Variants in NF1 observed in about 807,000 individuals in gnomAD.
NF1 encodes neurofibromin.
NF1 carries 122 observed loss-of-function variants against 325.7 expected under a neutral mutation model. That is an observed-to-expected ratio of 0.37 (90% CI 0.32 to 0.44). NF1 has a LOEUF of 0.44. Among genes scored for constraint, NF1 ranks in the 20% least tolerant of loss-of-function variants. NF1 has a pLI of 1.00. For missense variants in NF1, 2,140 were observed against 3,415.4 expected (o/e 0.63, Z 9.31); for synonymous variants, 1,091 against 1,186.0 (o/e 0.92, Z 1.65).
chr17:31,216,760 T>C (rs970800823), intron 13 of NF1, among the ~76,000 whole-genome samples: 1 of 152,186 alleles, frequency 6.6e-6, no homozygotes, highest in Non-Finnish European at 1.5e-5. Context: ...CTACCATTTC[T>C]TCCACATGTA....
intron 1 of NF1, among the ~76,000 whole-genome samples, chr17:31,146,734 C>G (rs552146226): frequency 1.3e-5 from 2 of 152,312 alleles, no homozygotes; most frequent in South Asian, 4.1e-4. Context: ...CCACGGGGAG[C>G]CTGGAGCGAG....
chr17:31,340,722 T>A, intron 47 of NF1, 77 bp downstream of exon 47: 2 of 1,465,324 alleles, frequency 1.4e-6, no homozygotes, highest in Admixed American at 3.5e-5. Flanking sequence ...GCTATTCTTT[T>A]AAAATCACAA....
chr17:31,306,392 A>T (rs1357341612), intron 36 of NF1, among the ~76,000 whole-genome samples: 3 of 152,040 alleles, frequency 2.0e-5, no homozygotes, highest in Non-Finnish European at 4.4e-5. Context: ...TCCATATTTT[A>T]TATATATAGA....
intron 3 of NF1, among the ~76,000 whole-genome samples, chr17:31,162,821 C>G (rs889940097): frequency 5.9e-5 from 9 of 152,212 alleles, no homozygotes; most frequent in Admixed American, 5.2e-4. Context: ...ACACAATGCA[C>G]TCATCAATCA....
At chr17:31,236,805 T>C (rs2067212148) in intron 29 of NF1, among the ~76,000 whole-genome samples, 1 of 152,054 alleles carries the variant, frequency 6.6e-6, no homozygotes, top group Admixed American at 6.6e-5. Flanking sequence ...TGTTACCAGG[T>C]ACTACCCACG....
intron 36 of NF1, among the ~76,000 whole-genome samples, chr17:31,293,188 A>AAAAC (rs2068382791): frequency 2.1e-5 from 1 of 47,746 alleles, no homozygotes. Context: ...CAAAAAAAAA[A>AAAAC]AAAAAAAAAA....
intron 36 of NF1, among the ~76,000 whole-genome samples, chr17:31,316,579 C>T (rs1277578667): frequency 6.6e-6 from 1 of 152,086 alleles, no homozygotes; most frequent in East Asian, 1.9e-4. Context: ...TCAAGGAGTG[C>T]TTTGTGTTAC....
At position 31,095,303 on chromosome 17, in the gene NF1, G is replaced by A; in HGVS notation, c.-7G>A. On this transcript the variant is annotated 5_prime_UTR_variant, in exon 1 of 58. Transcript: ENST00000358273. Reference sequence around the variant, plus strand: ...TCCCTCCGCCGCCCCCCGGCCGCGGGGAGGACATGGCCGCGCACAGGCCGG... The same window carrying A: ...TCCCTCCGCCGCCCCCCGGCCGCGGAGAGGACATGGCCGCGCACAGGCCGG... 1 of 1,537,044 alleles carries A rather than the reference G, an allele frequency of 6.5e-7. No individual in the cohort carries two copies. Among genetic ancestry groups the A allele is most frequent in the Non-Finnish European group, 8.7e-7 (1 of 1,146,104 alleles).
chr17:31,335,853 A>ATTTTTTTTTT (rs71360768), intron 40 of NF1, among the ~76,000 whole-genome samples: 26 of 112,604 alleles, frequency 2.3e-4, no homozygotes, highest in Non-Finnish European at 3.3e-4. Flanking sequence ...TAATTTTTGT[A>ATTTTTTTTTT]TTTTTTTTTT....
intron 36 of NF1, chr17:31,307,828 C>T: frequency 8.6e-7 from 1 of 1,156,542 alleles, no homozygotes; most frequent in Non-Finnish European, 1.2e-6. Flanking sequence ...ACTCATAAGC[C>T]TATATTTAGA....
At chr17:31,242,818 T>C (rs2151444730) in intron 29 of NF1, among the ~76,000 whole-genome samples, 1 of 152,284 alleles carries the variant, frequency 6.6e-6, no homozygotes, top group South Asian at 2.1e-4. Flanking sequence ...CTTCGGTGGG[T>C]CATGTTTTTC....
chr17:31,206,079 T>C (rs185641433), intron 11 of NF1, among the ~76,000 whole-genome samples, 161 bp from the exon 12 acceptor site: 2 of 152,332 alleles, frequency 1.3e-5, no homozygotes, highest in African/African-American at 4.8e-5. Flanking sequence ...GTGTTTGAAT[T>C]AAAGACGTTG....
intron 11 of NF1, among the ~76,000 whole-genome samples, chr17:31,204,198 A>G (rs573487526): frequency 1.4e-4 from 22 of 152,234 alleles, no homozygotes; most frequent in African/African-American, 5.3e-4. Flanking sequence ...GGTACATGCT[A>G]TAGCTGGTAT....
intron 29 of NF1, among the ~76,000 whole-genome samples, chr17:31,237,813 A>G (rs1340934119): frequency 1.3e-4 from 20 of 152,154 alleles, no homozygotes. Context: ...AGCTGCTTCA[A>G]ATAAGTTTAC....
intron 35 of NF1, 61 bp from the exon 36 acceptor site, chr17:31,265,167 CT>C (rs2067763069): frequency 8.7e-7 from 1 of 1,144,592 alleles, no homozygotes; most frequent in Non-Finnish European, 1.3e-6. Flanking sequence ...CAATTATAGA[CT>C]TTTTTACATA....
intron 1 of NF1, among the ~76,000 whole-genome samples, chr17:31,135,222 C>G (rs1047528015): frequency 2.2e-4 from 33 of 152,054 alleles, no homozygotes; most frequent in Admixed American, 2.2e-3. Flanking sequence ...GCAGATGTGT[C>G]AGTTTTGTGT....
chr17:31,178,979 A>G (rs1193529704), intron 5 of NF1, among the ~76,000 whole-genome samples: 1 of 152,216 alleles, frequency 6.6e-6, no homozygotes, highest in African/African-American at 2.4e-5. Flanking sequence ...TAACAAGGAT[A>G]TCCAGGAGTT....
intron 36 of NF1, among the ~76,000 whole-genome samples, chr17:31,306,366 C>T (rs764543694): frequency 2.0e-5 from 3 of 151,968 alleles, no homozygotes; most frequent in Non-Finnish European, 4.4e-5. Flanking sequence ...ATTTGTGTGA[C>T]TTCTTGGTGG....
In NF1 at chr17:31,313,722, ATGTGTGTGTG is replaced by A. The variant is rs60267436; in HGVS notation, c.4836-12071_4836-12062del. Among the ~76,000 whole-genome samples the A allele has an allele frequency of 3.9e-3, 540 of 138,924 alleles. 4 individuals carry two copies. Among genetic ancestry groups the A allele is most frequent in the African/African-American group, 0.013 (469 of 36,330 alleles). The allele number at this position is 138,924 out of a possible 152,430, so 91.1% of individuals were successfully genotyped here. ...CTCTATCTCAAAAAAAAAAAAAAATATGTGTGTGTGTGTGTGTGTGTGTGTGTGTGTGTGT... is the reference window on the plus strand; with the variant it reads ...CTCTATCTCAAAAAAAAAAAAAAATATGTGTGTGTGTGTGTGTGTGTGTGT... On this transcript the variant is annotated intron_variant, in intron 36 of 57. Coordinates refer to ENST00000358273, the MANE Select transcript of NF1 (RefSeq NM_001042492.3).
Sources: gnomAD v4.1 joint callset for allele counts (sites outside exome capture counted in the v4.1 genomes callset) on GRCh38, gnomAD v4.1.1 for gene constraint, MANE v1.5 for transcripts, NCBI Gene and HGNC (gene_info 2026-07-23, HGNC 2026-07-21) for gene names.